Variants in MIA3 observed in about 807,000 individuals in gnomAD.
MIA3 encodes MIA SH3 domain ER export factor 3.
Under a neutral mutation model 192.4 loss-of-function variants are expected in MIA3, and 90 were observed. That is an observed-to-expected ratio of 0.47 (90% CI 0.39 to 0.56). The LOEUF (loss-of-function observed/expected upper bound fraction) is 0.56, where lower values mean the gene tolerates loss of function less well. MIA3 is among the 20% of genes least tolerant of loss of function. The pLI, the probability that MIA3 is intolerant of heterozygous loss-of-function variation, is 0.00. For synonymous variants in MIA3, 740 were observed against 792.8 expected (o/e 0.93, Z 1.12); for missense variants, 2,123 against 2,269.4 (o/e 0.94, Z 1.31).
Position 222,652,222 on chromosome 1 carries a change from C to A in MIA3, c.3982-6C>A. On this transcript the variant is annotated splice_region_variant and splice_polypyrimidine_tract_variant and intron_variant, in intron 12 of 27. Transcript: ENST00000344922. Reference sequence around the variant, plus strand: ...TTAATTCACTAATAGGAGTGTTTTGCATTAGGTTCAGATTGCACTTAATGA... The same window carrying A: ...TTAATTCACTAATAGGAGTGTTTTGAATTAGGTTCAGATTGCACTTAATGA... The A allele has an allele frequency of 6.2e-7, 1 of 1,603,044 alleles. No individual in the cohort carries two copies. The highest frequency in any genetic ancestry group is 2.2e-5 in the East Asian group (1 of 44,808).
In MIA3 at chr1:222,629,637, C is replaced by T; in HGVS notation, c.2417C>T (p.Pro806Leu). Residue 806 changes from proline (P) to leucine (L), a missense_variant, in exon 4 of 28, where the codon CCA becomes CTA. Pro to Leu is a moderately conservative substitution (Grantham distance 98). This residue lies in a region of MIA3 where 1,357 missense variants were observed against 1,396.1 expected (regional missense o/e 0.97). Coordinates refer to ENST00000344922, the MANE Select transcript of MIA3 (RefSeq NM_198551.4). ...AKGVNTGGRE[P>L]NTMVEKERPL... is the part of the protein sequence containing the mutation. ...GGGGTCAACACAGGAGGCAGGGAAC[C>T]AAATACAATGGTGGAAAAAGAACGC... 6.2e-7 allele frequency: 1 copy of T among 1,614,092 alleles called. No homozygotes were observed.
chr1:222,636,681 T>G lies in MIA3; in HGVS notation c.3477+3432T>G, dbSNP rs916070695. Among the ~76,000 whole-genome samples, 6 of 151,914 alleles carry G rather than the reference T, an allele frequency of 3.9e-5. No individual in the cohort carries two copies. The South Asian group carries it at 1.0e-3, about 26-fold the overall frequency. ...GCACCCGCCACCACACCCGGCTAAT[T>G]TTTGTATTTTTCAGTAGAGACAGGG... On this transcript the variant is annotated intron_variant, in intron 6 of 27. Coordinates refer to ENST00000344922, the MANE Select transcript of MIA3 (RefSeq NM_198551.4).
intron 6 of MIA3, 31 bp downstream of exon 6, chr1:222,633,280 A>G (rs1364277875): frequency 6.5e-7 from 1 of 1,532,596 alleles, no homozygotes; most frequent in African/African-American, 1.4e-5. Flanking sequence ...TTTTAACTAA[A>G]ATGTTGATTA....
At position 222,627,880 on chromosome 1, in the gene MIA3, T is replaced by C; in HGVS notation, c.660T>C (p.Ala220=). 1 of 1,614,038 alleles carries C rather than the reference T, an allele frequency of 6.2e-7. No individual in the cohort carries two copies. The highest frequency in any genetic ancestry group is 8.5e-7 in the Non-Finnish European group (1 of 1,180,006). ...HSHANSQANH[A]QGEQASFESF... ...ATGCAAACAGCCAAGCAAATCATGCTCAGGGAGAGCAGGCTTCATTTGAAT... is the reference window on the plus strand; with the variant it reads ...ATGCAAACAGCCAAGCAAATCATGCCCAGGGAGAGCAGGCTTCATTTGAAT... The change falls in exon 4 of 28, where the codon GCT becomes GCC. Residue 220 remains alanine, a synonymous_variant. Coordinates refer to ENST00000344922, the MANE Select transcript of MIA3 (RefSeq NM_198551.4).
intron 3 of MIA3, among the ~76,000 whole-genome samples, chr1:222,627,273 C>T (rs769201214): frequency 2.0e-5 from 3 of 152,182 alleles, no homozygotes; most frequent in African/African-American, 4.8e-5. Context: ...ATATGTGTTT[C>T]CTCTCCAGCA....
At position 222,632,199 on chromosome 1, in the gene MIA3, A is replaced by G. The variant is rs1662427178; in HGVS notation, c.3204A>G (p.Arg1068=). 2 of 1,614,054 alleles carry G rather than the reference A, an allele frequency of 1.2e-6. No homozygotes were observed. The highest frequency in any genetic ancestry group is 2.7e-5 in the African/African-American group (2 of 74,908). ...MQPLHEDNFS[R]EKTAELNVQV... is the part of the protein sequence containing the mutation. ...CACTGCATGAAGATAATTTCTCACGAGAGAAGACAGCAGAACTTAATGTGC... is the reference window on the plus strand; with the variant it reads ...CACTGCATGAAGATAATTTCTCACGGGAGAAGACAGCAGAACTTAATGTGC... The change falls in exon 5 of 28, where the codon CGA becomes CGG. Residue 1068 remains arginine (R), a synonymous_variant. Transcript: ENST00000344922.
intron 2 of MIA3, among the ~76,000 whole-genome samples, chr1:222,622,785 A>C (rs75328711): frequency 0.13 from 19,279 of 152,234 alleles, 1,851 homozygotes; most frequent in African/African-American, 0.27. Context: ...AACTTGACTT[A>C]ACATTTTCCT....
chr1:222,650,435 T>TCAC, intron 9 of MIA3, 55 bp downstream of exon 9: 1 of 992,950 alleles, frequency 1.0e-6, no homozygotes. Context: ...GAATTATTTG[T>TCAC]CACCTATCTT....
chr1:222,623,080 A>G (rs575187206), intron 2 of MIA3, among the ~76,000 whole-genome samples: 1 of 152,212 alleles, frequency 6.6e-6, no homozygotes, highest in African/African-American at 2.4e-5. Flanking sequence ...CTTTTTCAGT[A>G]TTTCCTGACG....
In MIA3 at chr1:222,652,858, A is replaced by C. The variant is rs562264807; in HGVS notation, c.4087-150A>C. The C allele has an allele frequency of 1.7e-5, 12 of 726,060 alleles. No individual in the cohort carries two copies. The African/African-American group carries it at 2.1e-4, about 13-fold the overall frequency. The allele number at this position is 726,060 out of a possible 1,614,324, so 45.0% of individuals were successfully genotyped here. On this transcript the variant is annotated intron_variant, in intron 13 of 27. Transcript: ENST00000344922. ...CACTACAGCTCTGAGGGTTGGGGCC[A>C]CTGTCTCCTCCCACTTAACCAAGGT...
chr1:222,657,918 A>C (rs569498208), intron 18 of MIA3, among the ~76,000 whole-genome samples: 1 of 152,216 alleles, frequency 6.6e-6, no homozygotes, highest in Non-Finnish European at 1.5e-5. Flanking sequence ...TTTCCAATTT[A>C]TAGAAAATTT....
At chr1:222,645,426 A>T (rs1362759173) in intron 6 of MIA3, 128 bp from the exon 7 acceptor site, 14 of 739,458 alleles carry the variant, frequency 1.9e-5, no homozygotes, top group African/African-American at 5.4e-5. Flanking sequence ...AGAGCTACTG[A>T]AGATTTTTGA....
chr1:222,644,521 G>C, intron 6 of MIA3: 2 of 1,550,642 alleles, frequency 1.3e-6, no homozygotes, highest in Non-Finnish European at 1.7e-6. Context: ...CGCTACCCCG[G>C]GGGACCCGGA....
At chr1:222,621,313 C>T (rs768935310) in intron 2 of MIA3, 21 bp downstream of exon 2, 17 of 1,592,610 alleles carry the variant, frequency 1.1e-5, no homozygotes, top group Non-Finnish European at 1.4e-5. Flanking sequence ...TATCGACATA[C>T]TTTATTTGCT....
At chr1:222,638,240 G>A (rs939791286) in intron 6 of MIA3, among the ~76,000 whole-genome samples, 5 of 152,106 alleles carry the variant, frequency 3.3e-5, no homozygotes, top group African/African-American at 1.2e-4. Flanking sequence ...AATATAAAAT[G>A]ATTCAAGTAG....
At chr1:222,624,452 G>T (rs560755947) in intron 2 of MIA3, among the ~76,000 whole-genome samples, 1 of 152,154 alleles carries the variant, frequency 6.6e-6, no homozygotes, top group East Asian at 1.9e-4. Flanking sequence ...AATGCCATGC[G>T]ACGCTAATCA....
intron 6 of MIA3, among the ~76,000 whole-genome samples, chr1:222,636,731 C>G (rs1325915928): frequency 3.3e-5 from 5 of 152,062 alleles, no homozygotes; most frequent in African/African-American, 1.2e-4. Flanking sequence ...CCAGGCTGGT[C>G]TCGAACTCCT....
chr1:222,663,234 C>G (rs982633358), intron 26 of MIA3, among the ~76,000 whole-genome samples: 3 of 152,128 alleles, frequency 2.0e-5, no homozygotes, highest in African/African-American at 7.2e-5. Context: ...GAAAATACTT[C>G]CAAGTTCCAG....
chr1:222,667,105 A>G lies in MIA3; in HGVS notation c.*1486A>G, dbSNP rs1055797781. 3 of 152,230 alleles carry G rather than the reference A, an allele frequency of 2.0e-5. No individual in the cohort carries two copies. The highest frequency in any genetic ancestry group is 3.8e-4 in the East Asian group (2 of 5,202). 9.4% of individuals were successfully genotyped at this position (152,230 alleles called of 1,614,324 possible). A position where few individuals can be genotyped will look rare whatever the true frequency, so the allele number is the denominator to read the frequency against. ...CTTGTAAAAAGGAGCAAAAGCTTCA[A>G]TGTGAAACAATTTTCTCTCTTTATA... On this transcript the variant is annotated 3_prime_UTR_variant, in exon 28 of 28. Coordinates refer to ENST00000344922, the MANE Select transcript of MIA3 (RefSeq NM_198551.4).
Sources: gnomAD v4.1 joint callset for allele counts (sites outside exome capture counted in the v4.1 genomes callset) on GRCh38, gnomAD v4.1.1 for gene constraint, gnomAD v4.1.1 regional missense constraint, MANE v1.5 for transcripts, NCBI Gene and HGNC (gene_info 2026-07-23, HGNC 2026-07-21) for gene names.